The following ITPR2 variants were observed in gnomAD, a reference collection of about 807,000 sequenced individuals.
The protein encoded by ITPR2 is inositol 1,4,5-trisphosphate receptor type 2, also known as inositol 1,4,5-trisphosphate-gated calcium channel ITPR2.
ITPR2 carries 207 observed loss-of-function variants against 317.1 expected under a neutral mutation model. The observed-to-expected ratio is 0.65, with a 90% CI of 0.58 to 0.73. The LOEUF (loss-of-function observed/expected upper bound fraction) is 0.73, where lower values mean the gene tolerates loss of function less well. Ranked by LOEUF, ITPR2 falls within the 30% of genes least tolerant of loss-of-function variation. The pLI is 0.00. For synonymous variants in ITPR2, 1,156 were observed against 1,149.1 expected (o/e 1.01, Z -0.12); for missense variants, 2,613 against 3,284.0 (o/e 0.80, Z 4.99).
intron 21 of ITPR2, among the ~76,000 whole-genome samples, chr12:26,653,310 T>C (rs948908309): frequency 6.1e-5 from 9 of 148,200 alleles, no homozygotes; most frequent in South Asian, 2.2e-4. Flanking sequence ...AGTGGCACGA[T>C]GTCAGCTCAC....
At chr12:26,584,991 A>C (rs995947626) in intron 32 of ITPR2, among the ~76,000 whole-genome samples, 8 of 152,216 alleles carry the variant, frequency 5.3e-5, no homozygotes, top group Non-Finnish European at 1.0e-4. Context: ...TTTTATGTGA[A>C]TCATCAGCTC....
chr12:26,654,761 G>A lies in ITPR2; in HGVS notation c.2590-635C>T, dbSNP rs547171716. Reference sequence around the variant, plus strand: ...GGTACCATGTCATGAGGACACCCAGGCAGCCTACAGAAAGGCCCACATGGC... The same window carrying A: ...GGTACCATGTCATGAGGACACCCAGACAGCCTACAGAAAGGCCCACATGGC... On this transcript the variant is annotated intron_variant, in intron 20 of 56. Coordinates refer to ENST00000381340, the MANE Select transcript of ITPR2 (RefSeq NM_002223.4). Among the ~76,000 whole-genome samples the A allele has an allele frequency of 3.9e-5, 6 of 152,200 alleles. No individual in the cohort carries two copies. In the South Asian group the frequency reaches 1.0e-3, roughly 26 times the overall value.
chr12:26,439,342 T>C, intron 46 of ITPR2, 23 bp from the exon 47 acceptor site: 2 of 1,565,574 alleles, frequency 1.3e-6, no homozygotes, highest in South Asian at 1.2e-5. Context: ...ATTTGCATTG[T>C]TTTTAGCCTT....
intron 4 of ITPR2, 123 bp from the exon 5 acceptor site, chr12:26,722,678 G>T: frequency 1.4e-6 from 1 of 706,378 alleles, no homozygotes; most frequent in Non-Finnish European, 2.2e-6. Flanking sequence ...ATTAAACAAA[G>T]GAGTATTTTC....
At position 26,831,079 on chromosome 12, in the gene ITPR2, C is replaced by T. The variant is rs1458755979; in HGVS notation, c.92+1611G>A. 1.3e-5 allele frequency among the ~76,000 whole-genome samples: 2 copies of T among 152,166 alleles called. No individual in the cohort carries two copies. The highest frequency in any genetic ancestry group is 2.4e-5 in the African/African-American group (1 of 41,434). Reference sequence around the variant, plus strand: ...TTAACTACTACATCACACACACACACCTGGAGAGTCTACGGAGGGTGAAGA... The same window carrying T: ...TTAACTACTACATCACACACACACATCTGGAGAGTCTACGGAGGGTGAAGA... On this transcript the variant is annotated intron_variant, in intron 1 of 56. Transcript: ENST00000381340. The surrounding 1 kb of genome is among the most constrained non-coding windows in gnomAD (Gnocchi z 4.9).
At chr12:26,704,534 T>C (rs1221742975) in intron 9 of ITPR2, among the ~76,000 whole-genome samples, 2 of 152,182 alleles carry the variant, frequency 1.3e-5, no homozygotes, top group Non-Finnish European at 2.9e-5. Flanking sequence ...ATAAACATAT[T>C]AAATAACTAA....
chr12:26,721,573 T>C (rs915375702), intron 5 of ITPR2, among the ~76,000 whole-genome samples: 9 of 152,292 alleles, frequency 5.9e-5, no homozygotes, highest in African/African-American at 1.9e-4. Context: ...ATGAAACTTA[T>C]TCAGCGCTCA....
At position 26,666,040 on chromosome 12, in the gene ITPR2, T is replaced by C. The variant is rs1366457583; in HGVS notation, c.1421A>G (p.Lys474Arg). 3 of 1,610,834 alleles carry C rather than the reference T, an allele frequency of 1.9e-6. No individual in the cohort carries two copies. The highest frequency in any genetic ancestry group is 2.2e-5 in the East Asian group (1 of 44,844). ...AAAGAATATGAGATCTTCCAATAATTTGGTTACAAACCTATTACAAAATGA... is the reference window on the plus strand; with the variant it reads ...AAAGAATATGAGATCTTCCAATAATCTGGTTACAAACCTATTACAAAATGA... ...ITQNERRFVT[K>R]LLEDLIFFVA... is the part of the protein sequence containing the mutation. Residue 474 changes from lysine (K) to arginine (R), a missense_variant, in exon 14 of 57, where the codon AAA (lysine) becomes AGA (arginine). Lys to Arg is a conservative substitution (Grantham distance 26). Transcript: ENST00000381340.
intron 2 of ITPR2, among the ~76,000 whole-genome samples, chr12:26,729,719 T>C (rs1948995234): frequency 6.6e-6 from 1 of 151,882 alleles, no homozygotes; most frequent in Non-Finnish European, 1.5e-5. Context: ...TCAAATAAGT[T>C]ATATTTAGCT....
At chr12:26,705,856 T>TA (rs1359527711) in intron 9 of ITPR2, among the ~76,000 whole-genome samples, 2 of 152,200 alleles carry the variant, frequency 1.3e-5, no homozygotes, top group Non-Finnish European at 2.9e-5. Flanking sequence ...TCAAAATTAC[T>TA]AAAGCAAAAA....
chr12:26,431,316 C>T (rs1941201827), intron 48 of ITPR2, among the ~76,000 whole-genome samples: 1 of 152,158 alleles, frequency 6.6e-6, no homozygotes, highest in Non-Finnish European at 1.5e-5. Context: ...CTGCCTTTGC[C>T]AAATGAAATC....
intron 21 of ITPR2, among the ~76,000 whole-genome samples, chr12:26,645,754 C>T (rs942647020): frequency 2.0e-5 from 3 of 152,152 alleles, no homozygotes; most frequent in Non-Finnish European, 4.4e-5. Context: ...TTTGCAGAGA[C>T]CTGAAAAGAG....
intron 21 of ITPR2, chr12:26,649,202 C>CCACACACA (rs61500290): frequency 8.4e-6 from 1 of 118,690 alleles, no homozygotes; most frequent in African/African-American, 2.6e-5. Context: ...CCACACACAC[C>CCACACACA]CACACACACA....
chr12:26,340,502 TG>T (rs1156737593), intron 55 of ITPR2, among the ~76,000 whole-genome samples, 174 bp from the exon 56 acceptor site: 1 of 152,182 alleles, frequency 6.6e-6, no homozygotes, highest in Non-Finnish European at 1.5e-5. Context: ...CTTCACGGGC[TG>T]GGGGAAGACC....
chr12:26,560,083 ATACT>A (rs2137025594), intron 35 of ITPR2, among the ~76,000 whole-genome samples: 1 of 152,350 alleles, frequency 6.6e-6, no homozygotes, highest in East Asian at 1.9e-4. Flanking sequence ...CACTAAATAA[ATACT>A]TACTTAATGG....
At chr12:26,670,255 T>C (rs1300193480) in intron 13 of ITPR2, among the ~76,000 whole-genome samples, 2 of 152,130 alleles carry the variant, frequency 1.3e-5, no homozygotes, top group African/African-American at 4.8e-5. Context: ...CTCAAGTGGG[T>C]CCCTGACCCC....
chr12:26,765,343 A>T (rs1949701868), intron 2 of ITPR2, among the ~76,000 whole-genome samples: 2 of 152,064 alleles, frequency 1.3e-5, no homozygotes, highest in Admixed American at 1.3e-4. Context: ...TTATTGTTTA[A>T]GATCAGAATT....
Position 26,602,653 on chromosome 12 carries a change from G to A in ITPR2, c.3516C>T (p.Asp1172=). The A allele has an allele frequency of 6.2e-7, 1 of 1,611,544 alleles. No individual in the cohort carries two copies. Among genetic ancestry groups the A allele is most frequent in the South Asian group, 1.1e-5 (1 of 90,732 alleles). ...TCCGGTAGTTATTGCTCTTGTTGCT[G>A]TCAATCTGAGGTTTCTTTGTTCCAT... is the stretch of plus-strand genomic sequence containing the variant. ...VQDGTKKPQI[D]SNKSNNYRIV... The change falls in exon 27 of 57, where the codon GAC becomes GAT. Residue 1172 remains aspartate, a synonymous_variant. Transcript: ENST00000381340.
intron 1 of ITPR2, among the ~76,000 whole-genome samples, chr12:26,799,272 T>G (rs545480575): frequency 6.6e-6 from 1 of 152,312 alleles, no homozygotes; most frequent in East Asian, 1.9e-4. Flanking sequence ...CACTAAACTT[T>G]GAAGTACTAC....
Sources: allele counts gnomAD v4.1 joint callset (sites outside exome capture counted in the v4.1 genomes callset), GRCh38; gene constraint gnomAD v4.1.1; non-coding constraint Gnocchi (gnomAD v3.1); transcripts MANE v1.5; gene names NCBI Gene and HGNC (gene_info 2026-07-23, HGNC 2026-07-21).